Variants in BMP5 observed in about 807,000 individuals in gnomAD.
The protein encoded by BMP5 is bone morphogenetic protein 5.
Under a neutral mutation model 46.6 loss-of-function variants are expected in BMP5, and 23 were observed. The observed-to-expected ratio is 0.49, with a 90% CI of 0.35 to 0.70. The LOEUF is 0.70. Ranked by LOEUF, BMP5 falls within the 30% of genes least tolerant of loss-of-function variation. The probability of loss-of-function intolerance (pLI) is 0.00; values close to 1 mark genes in which losing one functional copy is unlikely to be tolerated. For synonymous variants in BMP5, 204 were observed against 191.9 expected, an observed-to-expected ratio of 1.06 and a Z score of -0.52; for missense variants, 545 against 565.6, an observed-to-expected ratio of 0.96 and a Z score of 0.37.
chr6:55,841,772 C>T (rs937378319), intron 1 of BMP5, among the ~76,000 whole-genome samples: 1 of 152,154 alleles, frequency 6.6e-6, no homozygotes, highest in Non-Finnish European at 1.5e-5. Context: ...AATTATGTTT[C>T]ACCCTAAAGG....
intron 3 of BMP5, among the ~76,000 whole-genome samples, chr6:55,791,490 T>C (rs957997307): frequency 6.6e-6 from 1 of 152,140 alleles, no homozygotes; most frequent in African/African-American, 2.4e-5. Context: ...TTGGAAACCT[T>C]TTAAAGGAGT....
rs1225868693 is a variant in BMP5, at chr6:55,813,741, T to G, written c.683+5914A>C. On this transcript the variant is annotated intron_variant, in intron 2 of 6. Coordinates refer to ENST00000370830, the MANE Select transcript of BMP5 (RefSeq NM_021073.4). Reference sequence around the variant, plus strand: ...GACGGAGCTTGCAGTGAGCAGAGATTGCGCCACTGCACTCCAGCCTGGATG... The same window carrying G: ...GACGGAGCTTGCAGTGAGCAGAGATGGCGCCACTGCACTCCAGCCTGGATG... 2.0e-5 allele frequency among the ~76,000 whole-genome samples: 3 copies of G among 149,498 alleles called. No individual in the cohort carries two copies. In the South Asian group the frequency reaches 6.3e-4, roughly 32 times the overall value.
At chr6:55,771,072 T>C (rs1402121900) in intron 4 of BMP5, among the ~76,000 whole-genome samples, 1 of 151,720 alleles carries the variant, frequency 6.6e-6, no homozygotes, top group Non-Finnish European at 1.5e-5. Flanking sequence ...ATGTCACCAA[T>C]AGACTTGCTT....
rs549836373 is a variant in BMP5, at chr6:55,801,850, A to G, written c.684-7423T>C. 5.3e-5 allele frequency among the ~76,000 whole-genome samples: 8 copies of G among 152,320 alleles called. No homozygotes were observed. In the South Asian group the frequency reaches 1.7e-3, roughly 32 times the overall value. On this transcript the variant is annotated intron_variant, in intron 2 of 6. Transcript: ENST00000370830. ...CTTATTCACTTATCCATAGAATTCC[A>G]TACTGCATCGCTTCTGATAAAAAAT...
chr6:55,789,693 C>A lies in BMP5; in HGVS notation c.832+4586G>T, dbSNP rs187057095. Among the ~76,000 whole-genome samples, 299 of 152,016 alleles carry A rather than the reference C, an allele frequency of 2.0e-3. 1 individual carries two copies. The highest frequency in any genetic ancestry group is 8.3e-3 in the South Asian group (40 of 4,814). On this transcript the variant is annotated intron_variant, in intron 3 of 6. Transcript: ENST00000370830. ...TTATTTTATCATAGAGGTTTATTAACCACCATGAGAAAGTGCTTGAGAACT... is the reference window on the plus strand; with the variant it reads ...TTATTTTATCATAGAGGTTTATTAAACACCATGAGAAAGTGCTTGAGAACT...
chr6:55,857,258 A>C (rs1030585121), intron 1 of BMP5, among the ~76,000 whole-genome samples: 1 of 152,210 alleles, frequency 6.6e-6, no homozygotes, highest in Non-Finnish European at 1.5e-5. Flanking sequence ...ATTGTTGCTT[A>C]AATGACATTT....
chr6:55,782,171 G>A (rs1345077343), intron 3 of BMP5, among the ~76,000 whole-genome samples: 1 of 152,074 alleles, frequency 6.6e-6, no homozygotes, highest in African/African-American at 2.4e-5. Flanking sequence ...TTAAAATGAT[G>A]GATATGATAA....
At chr6:55,828,895 T>C (rs754072469) in intron 1 of BMP5, among the ~76,000 whole-genome samples, 4 of 151,788 alleles carry the variant, frequency 2.6e-5, no homozygotes, top group Admixed American at 6.6e-5. Flanking sequence ...CAAGTTCAAT[T>C]TGTGGTTCAA....
intron 4 of BMP5, among the ~76,000 whole-genome samples, chr6:55,765,003 A>G (rs1774886301): frequency 6.6e-6 from 1 of 152,322 alleles, no homozygotes; most frequent in East Asian, 1.9e-4. Context: ...TGTGATGGAT[A>G]TCTTAATTAC....
At chr6:55,830,877 TAGA>T (rs1293410928) in intron 1 of BMP5, among the ~76,000 whole-genome samples, 1 of 152,166 alleles carries the variant, frequency 6.6e-6, no homozygotes, top group Non-Finnish European at 1.5e-5. Flanking sequence ...GTTTGAGTAT[TAGA>T]AGTTTACAAA....
chr6:55,816,402 A>G (rs1776270503), intron 2 of BMP5, among the ~76,000 whole-genome samples: 1 of 152,138 alleles, frequency 6.6e-6, no homozygotes, highest in African/African-American at 2.4e-5. Context: ...ATTAACTAAC[A>G]TTCAGAATAT....
intron 1 of BMP5, among the ~76,000 whole-genome samples, chr6:55,855,286 G>A (rs1777363595): frequency 1.3e-5 from 2 of 151,516 alleles, no homozygotes; most frequent in African/African-American, 2.4e-5. Context: ...GTGGAAGGTC[G>A]AGGTGGAAGC....
intron 1 of BMP5, among the ~76,000 whole-genome samples, chr6:55,863,994 A>C (rs1310110391): frequency 6.6e-6 from 1 of 151,978 alleles, no homozygotes; most frequent in Non-Finnish European, 1.5e-5. Context: ...CAGAAGGTAC[A>C]CCCCCATTTT....
intron 1 of BMP5, among the ~76,000 whole-genome samples, chr6:55,868,952 T>TATGAAC (rs1262878246): frequency 6.6e-6 from 1 of 152,222 alleles, no homozygotes; most frequent in African/African-American, 2.4e-5. Flanking sequence ...GCCAATAAAA[T>TATGAAC]ATGAACTTAA....
chr6:55,784,819 A>T (rs1775408301), intron 3 of BMP5, among the ~76,000 whole-genome samples: 1 of 151,888 alleles, frequency 6.6e-6, no homozygotes, highest in Admixed American at 6.6e-5. Context: ...TTTTATTTGG[A>T]AATTATAACA....
At chr6:55,774,381 T>A in intron 3 of BMP5, 138 bp from the exon 4 acceptor site, 1 of 763,046 alleles carries the variant, frequency 1.3e-6, no homozygotes, top group Non-Finnish European at 2.2e-6. Context: ...GCCAAGATTC[T>A]TATAAATATT....
At chr6:55,846,733 AT>A (rs1225588181) in intron 1 of BMP5, among the ~76,000 whole-genome samples, 12 of 151,772 alleles carry the variant, frequency 7.9e-5, no homozygotes, top group African/African-American at 2.7e-4. Context: ...TGTCTCTTAA[AT>A]TTGAATATCT....
intron 2 of BMP5, among the ~76,000 whole-genome samples, chr6:55,804,810 T>C (rs1008480433): frequency 1.3e-5 from 2 of 152,098 alleles, no homozygotes; most frequent in Non-Finnish European, 2.9e-5. Flanking sequence ...TTTGGGGAAA[T>C]AGGTGCAAAC....
chr6:55,801,918 A>G (rs1168297884), intron 2 of BMP5, among the ~76,000 whole-genome samples: 3 of 152,234 alleles, frequency 2.0e-5, no homozygotes, highest in Non-Finnish European at 2.9e-5. Context: ...CATGCTTCCC[A>G]TCAAAAGGAT....
Sources: gnomAD v4.1 joint callset for allele counts (sites outside exome capture counted in the v4.1 genomes callset) on GRCh38, gnomAD v4.1.1 for gene constraint, MANE v1.5 for transcripts, NCBI Gene and HGNC (gene_info 2026-07-23, HGNC 2026-07-21) for gene names.